The following BIRC6 variants were observed in gnomAD, a reference collection of about 807,000 sequenced individuals.
BIRC6 encodes the protein dual E2 ubiquitin-conjugating enzyme/E3 ubiquitin-protein ligase BIRC6.
Under a neutral mutation model 503.3 loss-of-function variants are expected in BIRC6, and 98 were observed. That is an observed-to-expected ratio of 0.19 (90% CI 0.17 to 0.23). The LOEUF is 0.23. BIRC6 is among the 10% of genes least tolerant of loss of function. The pLI is 1.00. For synonymous variants in BIRC6, 2,240 were observed against 2,078.7 expected (o/e 1.08, Z -2.11); for missense variants, 5,360 against 5,806.0 (o/e 0.92, Z 2.50).
At chr2:32,580,944 A>C (rs2151154320) in intron 66 of BIRC6, among the ~76,000 whole-genome samples, 2 of 152,354 alleles carry the variant, frequency 1.3e-5, no homozygotes, top group South Asian at 4.1e-4. Flanking sequence ...CTCCTTCAAT[A>C]GAGTACAAGT....
chr2:32,438,930 C>T (rs913104148), intron 15 of BIRC6, among the ~76,000 whole-genome samples: 1 of 152,114 alleles, frequency 6.6e-6, no homozygotes, highest in Admixed American at 6.5e-5. Context: ...GGAAATATTA[C>T]TCTTATTTTA....
chr2:32,563,605 G>C (rs756075846), intron 65 of BIRC6: 3 of 152,252 alleles, frequency 2.0e-5, no homozygotes, highest in Middle Eastern at 3.4e-3. Context: ...AGGAGCAAAT[G>C]TATATGAATA....
At chr2:32,467,438 TTAAGA>T (rs1482465321) in intron 26 of BIRC6, 82 bp from the exon 27 acceptor site, 1 of 1,061,220 alleles carries the variant, frequency 9.4e-7, no homozygotes, top group Admixed American at 2.1e-5. Flanking sequence ...CTTTCATATT[TTAAGA>T]TGAGTGCTCC....
At chr2:32,488,825 G>C in intron 42 of BIRC6, 111 bp downstream of exon 42, 1 of 760,676 alleles carries the variant, frequency 1.3e-6, no homozygotes, top group African/African-American at 1.8e-5. Flanking sequence ...CATTCTAGTG[G>C]GGAAAAAACA....
At chr2:32,366,173 C>T (rs2034903147) in intron 1 of BIRC6, among the ~76,000 whole-genome samples, 1 of 152,154 alleles carries the variant, frequency 6.6e-6, no homozygotes, top group Non-Finnish European at 1.5e-5. Context: ...GCCCAGCCAG[C>T]AATTTTAATT....
intron 73 of BIRC6, among the ~76,000 whole-genome samples, chr2:32,612,552 T>C (rs772686504): frequency 2.0e-5 from 3 of 152,248 alleles, no homozygotes; most frequent in Non-Finnish European, 4.4e-5. Context: ...TAGTTGATGA[T>C]AAGGATTTGT....
chr2:32,606,995 G>A (rs1185460672), intron 71 of BIRC6, among the ~76,000 whole-genome samples: 3 of 147,614 alleles, frequency 2.0e-5, no homozygotes, highest in Non-Finnish European at 1.5e-5. Context: ...TGACAAGAGT[G>A]AAACTCAGTC....
intron 50 of BIRC6, 149 bp from the exon 51 acceptor site, chr2:32,507,831 T>C: frequency 1.5e-6 from 1 of 677,810 alleles, no homozygotes; most frequent in Non-Finnish European, 2.3e-6. Flanking sequence ...TGAAAGTCAT[T>C]GTCAAACTAT....
intron 61 of BIRC6, 142 bp from the exon 62 acceptor site, chr2:32,543,099 T>C: frequency 1.0e-6 from 1 of 992,382 alleles, no homozygotes; most frequent in Admixed American, 2.9e-5. Flanking sequence ...TGCGCCCGGC[T>C]GGAAGCTTGT....
At chr2:32,560,065 TCAGGTTC>T (rs1191676684) in intron 65 of BIRC6, among the ~76,000 whole-genome samples, 1 of 152,110 alleles carries the variant, frequency 6.6e-6, no homozygotes, top group Non-Finnish European at 1.5e-5. Context: ...ATAACACATG[TCAGGTTC>T]CAGACATAGG....
chr2:32,572,487 T>A (rs2059979805), intron 65 of BIRC6, among the ~76,000 whole-genome samples: 1 of 152,240 alleles, frequency 6.6e-6, no homozygotes, highest in Non-Finnish European at 1.5e-5. Flanking sequence ...TATAGGCATT[T>A]AAAATTTTAA....
rs1013269802 is a variant in BIRC6 at position 32,529,515 on chromosome 2, G to A, written c.11921-136G>A. ...ACTTTTTGTAAACTTTCCAATGGCT[G>A]TTGAATTTTTTAATTGTTTTGAAAT... is the stretch of plus-strand genomic sequence containing the variant. On this transcript the variant is annotated intron_variant, in intron 59 of 73. Transcript: ENST00000421745. The A allele has an allele frequency of 2.9e-5, 22 of 761,332 alleles. No individual in the cohort carries two copies. In the African/African-American group the frequency reaches 3.9e-4, roughly 14 times the overall value. The allele number at this position is 761,332 out of a possible 1,614,324, so 47.2% of individuals were successfully genotyped here.
intron 66 of BIRC6, among the ~76,000 whole-genome samples, chr2:32,588,169 C>A (rs1266998539): frequency 6.6e-6 from 1 of 152,146 alleles, no homozygotes; most frequent in Non-Finnish European, 1.5e-5. Context: ...GCCTGGCCAA[C>A]ATGGTGAAAC....
chr2:32,503,180 G>C lies in BIRC6; in HGVS notation c.9443G>C (p.Arg3148Thr). Residue 3148 changes from arginine (R) to threonine (T), a missense_variant, in exon 49 of 74, where the codon AGA becomes ACA. Transcript: ENST00000421745. Reference protein sequence around the residue: ...NKAVDSTLKTRILASEPDNAE... With the variant: ...NKAVDSTLKTTILASEPDNAE... ...GCTGTTGACAGCACATTGAAAACAA[G>C]AATACTAGCTTCTGAGCCTGACAAT... 1 of 1,613,172 alleles carries C rather than the reference G, an allele frequency of 6.2e-7. No homozygotes were observed. The highest frequency in any genetic ancestry group is 8.5e-7 in the Non-Finnish European group (1 of 1,179,586).
At chr2:32,610,090 C>T (rs193189587) in intron 72 of BIRC6, among the ~76,000 whole-genome samples, 1 of 152,150 alleles carries the variant, frequency 6.6e-6, no homozygotes, top group African/African-American at 2.4e-5. Flanking sequence ...AAAGCTGTGT[C>T]ATACTTACTT....
intron 3 of BIRC6, among the ~76,000 whole-genome samples, chr2:32,380,852 G>A (rs1159309479): frequency 6.6e-6 from 1 of 152,180 alleles, no homozygotes; most frequent in Non-Finnish European, 1.5e-5. Flanking sequence ...GTGCCTGATG[G>A]ACCTGGATTG....
chr2:32,470,466 A>G (rs983173850), intron 31 of BIRC6, among the ~76,000 whole-genome samples, 165 bp downstream of exon 31: 3 of 152,114 alleles, frequency 2.0e-5, no homozygotes, highest in African/African-American at 7.3e-5. Context: ...TGACTGCCAT[A>G]TAGTTAATAC....
intron 10 of BIRC6, among the ~76,000 whole-genome samples, chr2:32,427,451 A>C (rs756420488): frequency 2.0e-5 from 3 of 151,714 alleles, no homozygotes; most frequent in Admixed American, 6.6e-5. Flanking sequence ...ACGCCTGTCT[A>C]ATTTTTGTAT....
intron 73 of BIRC6, among the ~76,000 whole-genome samples, chr2:32,612,562 T>G (rs2062951500): frequency 6.6e-6 from 1 of 152,072 alleles, no homozygotes; most frequent in Non-Finnish European, 1.5e-5. Flanking sequence ...TAAGGATTTG[T>G]TAGTTTTTTA....
Sources: gnomAD v4.1 joint callset for allele counts (sites outside exome capture counted in the v4.1 genomes callset) on GRCh38, gnomAD v4.1.1 for gene constraint, MANE v1.5 for transcripts, NCBI Gene and HGNC (gene_info 2026-07-23, HGNC 2026-07-21) for gene names.